The following NTN4 variants were observed in gnomAD, a reference collection of about 807,000 sequenced individuals.
NTN4 encodes the protein netrin-4.
Under a neutral mutation model 73.6 loss-of-function variants are expected in NTN4, and 32 were observed. That is an observed-to-expected ratio of 0.44 (90% CI 0.33 to 0.58). The LOEUF (loss-of-function observed/expected upper bound fraction) is 0.58. NTN4 is among the 20% of genes least tolerant of loss of function. The pLI, the probability that NTN4 is intolerant of heterozygous loss-of-function variation, is 0.04. For missense variants in NTN4, 654 were observed against 798.3 expected (o/e 0.82, Z 2.18); for synonymous variants, 258 against 287.5 (o/e 0.90, Z 1.04).
At chr12:95,703,222 A>T (rs1336179874) in intron 5 of NTN4, among the ~76,000 whole-genome samples, 1 of 152,170 alleles carries the variant, frequency 6.6e-6, no homozygotes, top group Non-Finnish European at 1.5e-5. Flanking sequence ...GGGCTGTCAT[A>T]TGTTCATTGC....
At chr12:95,697,143 C>A (rs2078448452) in intron 5 of NTN4, among the ~76,000 whole-genome samples, 2 of 151,734 alleles carry the variant, frequency 1.3e-5, no homozygotes, top group East Asian at 3.9e-4. Context: ...CCATTGCACT[C>A]CATTCAGCCT....
chr12:95,786,918 G>A (rs762072965), intron 2 of NTN4, 21 bp downstream of exon 2: 5 of 1,605,256 alleles, frequency 3.1e-6, no homozygotes, highest in Non-Finnish European at 4.3e-6. Context: ...TTACAGTGTA[G>A]AGTTAAACAG....
chr12:95,661,694 T>C (rs1565874626), intron 9 of NTN4, among the ~76,000 whole-genome samples: 1 of 152,186 alleles, frequency 6.6e-6, no homozygotes, highest in Non-Finnish European at 1.5e-5. Flanking sequence ...ATCAAGCCTT[T>C]CTTTAGAGAT....
intron 2 of NTN4, among the ~76,000 whole-genome samples, chr12:95,742,387 A>G (rs949640436): frequency 2.6e-5 from 4 of 151,494 alleles, no homozygotes; most frequent in East Asian, 1.9e-4. Context: ...AAAGCATGCT[A>G]TATGTCTTAT....
intron 3 of NTN4, among the ~76,000 whole-genome samples, chr12:95,729,430 T>G (rs1186059431): frequency 6.6e-6 from 1 of 152,102 alleles, no homozygotes; most frequent in Non-Finnish European, 1.5e-5. Context: ...ATAGCCCTTT[T>G]ATATCCCTAT....
intron 2 of NTN4, among the ~76,000 whole-genome samples, chr12:95,770,992 G>GTTTTGTTTTTTTTTTTTT (rs1555221586): frequency 4.2e-5 from 3 of 70,798 alleles, no homozygotes; most frequent in Non-Finnish European, 3.4e-5. Flanking sequence ...AAAAGAATTT[G>GTTTTGTTTTTTTTTTTTT]TTTTTTTTTT....
intron 9 of NTN4, 96 bp downstream of exon 9, chr12:95,665,714 G>T: frequency 1.1e-6 from 1 of 911,280 alleles, no homozygotes; most frequent in Non-Finnish European, 1.6e-6. Context: ...AGATGTTCTT[G>T]CTGAGTTTGT....
At chr12:95,704,933 G>T (rs2078512427) in intron 5 of NTN4, among the ~76,000 whole-genome samples, 1 of 152,154 alleles carries the variant, frequency 6.6e-6, no homozygotes, top group Non-Finnish European at 1.5e-5. Context: ...TATGCTAAAA[G>T]AACTAAATTG....
rs1451397425 is a variant in NTN4, at chr12:95,675,485, G to A, written c.1511-5339C>T. ...CTGAAATTTTTCATAATAAAATGTT[G>A]GGAAAATTATCACAGACATTCTCAA... On this transcript the variant is annotated intron_variant, in intron 7 of 9. Transcript: ENST00000343702. Among the ~76,000 whole-genome samples the A allele has an allele frequency of 5.9e-5, 9 of 151,790 alleles. No homozygotes were observed. In the East Asian group the frequency reaches 1.7e-3, roughly 29 times the overall value.
At chr12:95,741,543 C>T (rs2078826975) in intron 2 of NTN4, among the ~76,000 whole-genome samples, 1 of 122,644 alleles carries the variant, frequency 8.2e-6, no homozygotes, top group Non-Finnish European at 1.7e-5. Flanking sequence ...TATGTATGTC[C>T]CTTTTTATCC....
At chr12:95,769,412 T>C (rs2079040841) in intron 2 of NTN4, among the ~76,000 whole-genome samples, 1 of 152,058 alleles carries the variant, frequency 6.6e-6, no homozygotes, top group South Asian at 2.1e-4. Context: ...AGTTGGAGTC[T>C]TAAAAGAAAA....
At position 95,683,711 on chromosome 12, in the gene NTN4, G is replaced by A. The variant is rs371661550; in HGVS notation, c.1181C>T (p.Pro394Leu). Reference protein sequence around the residue: ...RPFSAPDACKPCSCHPVGSAV... With the variant: ...RPFSAPDACKLCSCHPVGSAV... ...TGATCCTACTGGATGGCAGGAACAC[G>A]CTACAACAGAGAGGACACGCAAGGA... The change falls in exon 6 of 10, where the codon CCG becomes CTG. Residue 394 changes from proline (P) to leucine (L), a missense_variant and splice_region_variant. Coordinates refer to ENST00000343702, the MANE Select transcript of NTN4 (RefSeq NM_021229.4). The A allele has an allele frequency of 2.5e-6, 4 of 1,598,468 alleles. No homozygotes were observed. The highest frequency in any genetic ancestry group is 2.6e-6 in the Non-Finnish European group (3 of 1,171,682).
At chr12:95,761,242 T>C (rs924893756) in intron 2 of NTN4, among the ~76,000 whole-genome samples, 13 of 152,040 alleles carry the variant, frequency 8.6e-5, no homozygotes, top group Admixed American at 7.9e-4. Flanking sequence ...CAATTAACTC[T>C]AATATCAAGG....
chr12:95,790,215 G>A lies in NTN4; in HGVS notation c.55+40C>T, dbSNP rs138598703. 2.0e-3 allele frequency: 2,969 copies of A among 1,512,064 alleles called. 8 individuals carry two copies. Among genetic ancestry groups the A allele is most frequent in the Non-Finnish European group, 2.5e-3 (2,840 of 1,125,328 alleles). 93.7% of individuals were successfully genotyped at this position (1,512,064 alleles called of 1,614,324 possible). On this transcript the variant is annotated intron_variant, in intron 1 of 9. Coordinates refer to ENST00000343702, the MANE Select transcript of NTN4 (RefSeq NM_021229.4). The surrounding 1 kb of genome is among the most constrained non-coding windows in gnomAD (Gnocchi z 6.5). Reference sequence around the variant, plus strand: ...AGTCCCGAGATGGGTTAGAGAAGCAGCGAGGGAAGGGGTGGGGGCCCCGCC... The same window carrying A: ...AGTCCCGAGATGGGTTAGAGAAGCAACGAGGGAAGGGGTGGGGGCCCCGCC...
intron 2 of NTN4, among the ~76,000 whole-genome samples, chr12:95,746,118 C>T (rs2078860612): frequency 6.6e-6 from 1 of 152,172 alleles, no homozygotes; most frequent in South Asian, 2.1e-4. Flanking sequence ...TCCATCTTGG[C>T]TCTTTCACTG....
intron 3 of NTN4, among the ~76,000 whole-genome samples, chr12:95,721,949 C>G (rs2078651201): frequency 6.6e-6 from 1 of 152,130 alleles, no homozygotes; most frequent in Non-Finnish European, 1.5e-5. Context: ...CACACTCACA[C>G]ACAAATTTCC....
At chr12:95,774,383 G>A (rs1053034261) in intron 2 of NTN4, among the ~76,000 whole-genome samples, 1 of 152,182 alleles carries the variant, frequency 6.6e-6, no homozygotes, top group African/African-American at 2.4e-5. Context: ...GGAGCTTCTT[G>A]TGAGAATAAG....
chr12:95,674,777 C>T (rs1193357579), intron 7 of NTN4, among the ~76,000 whole-genome samples: 1 of 152,152 alleles, frequency 6.6e-6, no homozygotes, highest in East Asian at 1.9e-4. Context: ...GCAGGGAACT[C>T]AATAAAGTCT....
intron 2 of NTN4, among the ~76,000 whole-genome samples, chr12:95,764,143 T>C (rs2079005560): frequency 6.6e-6 from 1 of 152,224 alleles, no homozygotes; most frequent in South Asian, 2.1e-4. Context: ...GGCTGAGTCA[T>C]AGAAGGGTGG....
Sources: gnomAD v4.1 joint callset for allele counts (sites outside exome capture counted in the v4.1 genomes callset) on GRCh38, gnomAD v4.1.1 for gene constraint, Gnocchi (gnomAD v3.1) non-coding constraint, MANE v1.5 for transcripts, NCBI Gene and HGNC (gene_info 2026-07-23, HGNC 2026-07-21) for gene names.